GRID1: variants seen among roughly 807,000 people sequenced by gnomAD.
GRID1 encodes the protein glutamate receptor ionotropic, delta-1.
A neutral mutation model predicts 98.0 loss-of-function variants in GRID1; 28 were observed. The ratio of observed to expected loss-of-function variants is 0.29; its 90% confidence interval spans 0.21 to 0.39. The LOEUF (loss-of-function observed/expected upper bound fraction) is 0.39, where lower values mean the gene tolerates loss of function less well. Among genes scored for constraint, GRID1 ranks in the 10% least tolerant of loss-of-function variants. GRID1 has a pLI of 1.00. For synonymous variants in GRID1, 553 were observed against 538.5 expected (o/e 1.03, Z -0.37); for missense variants, 1,111 against 1,340.5 (o/e 0.83, Z 2.67).
intron 2 of GRID1, among the ~76,000 whole-genome samples, chr10:86,337,168 A>G (rs971624516): frequency 1.3e-5 from 2 of 151,998 alleles, no homozygotes; most frequent in Non-Finnish European, 2.9e-5. Flanking sequence ...CCCACTCTCT[A>G]TCTGACCGAC....
chr10:85,767,413 CTTTACTGAATCATA>C (rs1249127654), intron 8 of GRID1, among the ~76,000 whole-genome samples: 1 of 152,158 alleles, frequency 6.6e-6, no homozygotes, highest in Non-Finnish European at 1.5e-5. Context: ...GACTCAAGTT[CTTTACTGAATCATA>C]TTCATTAAAA....
intron 1 of GRID1, among the ~76,000 whole-genome samples, chr10:86,364,699 GC>G (rs1432390754): frequency 1.3e-5 from 2 of 152,368 alleles, no homozygotes; most frequent in East Asian, 3.9e-4. Flanking sequence ...GGCGCCCTGA[GC>G]TCAGCCTCCT....
chr10:86,004,659 T>C (rs929107245), intron 4 of GRID1, among the ~76,000 whole-genome samples: 2 of 152,170 alleles, frequency 1.3e-5, no homozygotes, highest in Non-Finnish European at 2.9e-5. Flanking sequence ...TCTGCAGATT[T>C]CAGTCTCTGT....
At chr10:86,048,944 G>C (rs1174060079) in intron 4 of GRID1, among the ~76,000 whole-genome samples, 3 of 152,194 alleles carry the variant, frequency 2.0e-5, no homozygotes, top group African/African-American at 7.2e-5. Flanking sequence ...CTCCCAGAAT[G>C]AGTGCAAGAA....
intron 2 of GRID1, among the ~76,000 whole-genome samples, chr10:86,320,137 G>A (rs368031273): frequency 2.0e-4 from 30 of 152,348 alleles, no homozygotes; most frequent in African/African-American, 7.0e-4. Flanking sequence ...AAGTTTATGA[G>A]CACAAACTTT....
Position 85,827,149 on chromosome 10 carries a change from T to C in GRID1, c.1233+27347A>G, listed in dbSNP as rs150920228. Among the ~76,000 whole-genome samples the C allele has an allele frequency of 3.4e-3, 512 of 152,164 alleles. 1 individual carries two copies. The highest frequency in any genetic ancestry group is 0.011 in the African/African-American group (451 of 41,528). The stretch of plus-strand genomic sequence containing the variant: ...GCTGTAATGGCTGAAATGACAGACA[T>C]AGAATTCAGAATATGGATAGGAATG... On this transcript the variant is annotated intron_variant, in intron 8 of 15. Coordinates refer to ENST00000327946, the MANE Select transcript of GRID1 (RefSeq NM_017551.3).
intron 2 of GRID1, among the ~76,000 whole-genome samples, chr10:86,303,410 G>A (rs972105679): frequency 6.6e-6 from 1 of 152,206 alleles, no homozygotes; most frequent in Admixed American, 6.5e-5. Flanking sequence ...GTGGAGCACT[G>A]CCCAGGAGGA....
intron 8 of GRID1, among the ~76,000 whole-genome samples, chr10:85,811,562 T>TA (rs1450419218): frequency 2.6e-5 from 4 of 151,774 alleles, no homozygotes; most frequent in Non-Finnish European, 4.4e-5. Flanking sequence ...ATGAATGGAA[T>TA]AAAAAATACA....
In GRID1 at chr10:86,136,077, A is replaced by G. The variant is rs576918303; in HGVS notation, c.726+2742T>C. Among the ~76,000 whole-genome samples, 615 of 152,342 alleles carry G rather than the reference A, an allele frequency of 4.0e-3. 5 individuals carry two copies. The highest frequency in any genetic ancestry group is 0.014 in the African/African-American group (574 of 41,586). On this transcript the variant is annotated intron_variant, in intron 4 of 15. Coordinates refer to ENST00000327946, the MANE Select transcript of GRID1 (RefSeq NM_017551.3). Reference sequence around the variant, plus strand: ...TCAGGACATGTTCTGGCAGTGTGTCATCCTTGTGAACATCGTTTGTCCTTG... The same window carrying G: ...TCAGGACATGTTCTGGCAGTGTGTCGTCCTTGTGAACATCGTTTGTCCTTG...
At chr10:85,864,299 G>A (rs868653524) in intron 6 of GRID1, among the ~76,000 whole-genome samples, 3 of 152,242 alleles carry the variant, frequency 2.0e-5, no homozygotes, top group African/African-American at 7.2e-5. Flanking sequence ...GGGCACCACA[G>A]CCAAGCCTCA....
intron 8 of GRID1, among the ~76,000 whole-genome samples, chr10:85,803,329 A>T (rs1326198274): frequency 6.6e-6 from 1 of 152,160 alleles, no homozygotes; most frequent in African/African-American, 2.4e-5. Context: ...GTATCAAAAC[A>T]TCTCATGTAT....
chr10:86,070,940 T>C (rs75995763), intron 4 of GRID1, among the ~76,000 whole-genome samples: 6,586 of 152,186 alleles, frequency 0.043, 167 homozygotes, highest in Middle Eastern at 0.068. Context: ...GAAAAGGCAT[T>C]CATCTGTGAC....
chr10:85,701,234 G>A (rs1417298775), intron 12 of GRID1, among the ~76,000 whole-genome samples: 1 of 152,114 alleles, frequency 6.6e-6, no homozygotes, highest in Non-Finnish European at 1.5e-5. Flanking sequence ...TATTTACAGA[G>A]ACAAAGTAAT....
intron 6 of GRID1, among the ~76,000 whole-genome samples, chr10:85,867,485 GCA>G (rs1219148514): frequency 6.6e-6 from 1 of 152,106 alleles, no homozygotes; most frequent in African/African-American, 2.4e-5. Flanking sequence ...GTGGGAATGG[GCA>G]CACACTCCCT....
chr10:86,072,258 C>A (rs1843815221), intron 4 of GRID1, among the ~76,000 whole-genome samples: 1 of 152,180 alleles, frequency 6.6e-6, no homozygotes. Flanking sequence ...AAAAAAAAAT[C>A]TATCATAGCT....
chr10:86,062,223 T>C (rs1193678995), intron 4 of GRID1, among the ~76,000 whole-genome samples: 1 of 152,156 alleles, frequency 6.6e-6, no homozygotes, highest in Non-Finnish European at 1.5e-5. Flanking sequence ...CCTGGAGCCA[T>C]GTTGCCCGCA....
chr10:85,987,944 C>T (rs974584233), intron 4 of GRID1, among the ~76,000 whole-genome samples: 3 of 152,154 alleles, frequency 2.0e-5, no homozygotes, highest in Non-Finnish European at 4.4e-5. Context: ...GCTGAAAACT[C>T]CATGAAAGTG....
In GRID1 at chr10:86,363,792, G is replaced by A. The variant is rs144963428; in HGVS notation, c.235+149C>T. 1.9e-3 allele frequency: 1,277 copies of A among 656,062 alleles called. 1 individual carries two copies. The highest frequency in any genetic ancestry group is 3.0e-3 in the Middle Eastern group (7 of 2,360). 40.6% of individuals were successfully genotyped at this position (656,062 alleles called of 1,614,324 possible). The stretch of plus-strand genomic sequence containing the variant: ...CGGCGCCGCTGCCTAGGTGGGCCGG[G>A]GAAGGCGCGCCACCGCGCATGGCAC... On this transcript the variant is annotated intron_variant, in intron 2 of 15. Transcript: ENST00000327946.
chr10:86,313,444 T>G (rs918241901), intron 2 of GRID1, among the ~76,000 whole-genome samples: 8 of 152,226 alleles, frequency 5.3e-5, no homozygotes, highest in African/African-American at 1.9e-4. Flanking sequence ...GGCCCTGTCA[T>G]GCATAGGAAA....
Sources: gnomAD v4.1 joint callset for allele counts (sites outside exome capture counted in the v4.1 genomes callset) on GRCh38, gnomAD v4.1.1 for gene constraint, MANE v1.5 for transcripts, NCBI Gene and HGNC (gene_info 2026-07-23, HGNC 2026-07-21) for gene names.